Variants in SLC20A2 observed in about 807,000 individuals in gnomAD.
SLC20A2 encodes solute carrier family 20 member 2.
A neutral mutation model predicts 61.0 loss-of-function variants in SLC20A2; 30 were observed. The observed-to-expected ratio is 0.49, with a 90% CI of 0.37 to 0.67. The LOEUF (loss-of-function observed/expected upper bound fraction) is 0.67. SLC20A2 is among the 30% of genes least tolerant of loss of function. The pLI is 0.00. For synonymous variants in SLC20A2, 351 were observed against 353.3 expected, an observed-to-expected ratio of 0.99 and a Z score of 0.07; for missense variants, 626 against 866.4, an observed-to-expected ratio of 0.72 and a Z score of 3.48.
intron 5 of SLC20A2, among the ~76,000 whole-genome samples, chr8:42,452,131 A>G (rs1227518025): frequency 4.8e-5 from 6 of 124,390 alleles, no homozygotes; most frequent in Admixed American, 7.9e-5. Flanking sequence ...TGGAGGAGGA[A>G]GAGGAAGAGA....
At chr8:42,460,026 A>G in intron 4 of SLC20A2, 34 bp from the exon 5 acceptor site, 2 of 1,230,734 alleles carry the variant, frequency 1.6e-6, no homozygotes, top group Non-Finnish European at 2.4e-6. Flanking sequence ...GTGGAAGGTC[A>G]GGATCCCAGC....
At chr8:42,485,940 G>A (rs1340693893) in intron 1 of SLC20A2, among the ~76,000 whole-genome samples, 1 of 127,284 alleles carries the variant, frequency 7.9e-6, no homozygotes, top group Non-Finnish European at 1.6e-5. Flanking sequence ...GCGAGACTCC[G>A]TCTCAAAAAA....
At chr8:42,454,140 A>C (rs1805951695) in intron 5 of SLC20A2, among the ~76,000 whole-genome samples, 1 of 152,106 alleles carries the variant, frequency 6.6e-6, no homozygotes, top group Non-Finnish European at 1.5e-5. Context: ...AGTAGCTGGG[A>C]CTACAGGTGC....
chr8:42,438,891 A>G (rs1804547666), intron 7 of SLC20A2, among the ~76,000 whole-genome samples: 1 of 151,962 alleles, frequency 6.6e-6, no homozygotes, highest in African/African-American at 2.4e-5. Flanking sequence ...TAATTTTTGT[A>G]TTTTTAGTAG....
intron 1 of SLC20A2, among the ~76,000 whole-genome samples, chr8:42,489,431 C>T (rs1226917833): frequency 7.2e-6 from 1 of 138,250 alleles, no homozygotes; most frequent in Admixed American, 7.2e-5. Context: ...CCACTGTCTG[C>T]CCCCCCCACC....
chr8:42,487,535 C>A (rs570575917), intron 1 of SLC20A2, among the ~76,000 whole-genome samples: 66 of 152,298 alleles, frequency 4.3e-4, no homozygotes, highest in Admixed American at 2.7e-3. Flanking sequence ...TCGGTTCTCC[C>A]ACTGATGCAC....
chr8:42,505,353 A>C (rs1414244835), upstream of SLC20A2, among the ~76,000 whole-genome samples: 1 of 152,026 alleles, frequency 6.6e-6, no homozygotes, highest in Non-Finnish European at 1.5e-5. Flanking sequence ...ATAGTAAATA[A>C]ATAGGCTGGG....
chr8:42,469,542 G>A (rs1007228302), intron 2 of SLC20A2, among the ~76,000 whole-genome samples: 6 of 152,160 alleles, frequency 3.9e-5, no homozygotes, highest in African/African-American at 1.4e-4. Context: ...TCTGTCACAC[G>A]GAGGTCTTCA....
chr8:42,475,674 G>A (rs111286076), intron 1 of SLC20A2, among the ~76,000 whole-genome samples: 12,335 of 151,924 alleles, frequency 0.081, 1,441 homozygotes, highest in African/African-American at 0.26. Flanking sequence ...GCCTCCCAAA[G>A]TGCTGGGATT....
intron 1 of SLC20A2, among the ~76,000 whole-genome samples, chr8:42,517,012 T>G (rs1397013892): frequency 6.6e-6 from 1 of 152,172 alleles, no homozygotes; most frequent in Non-Finnish European, 1.5e-5. Flanking sequence ...CAAGCATTTC[T>G]CAACTCCTGC....
intron 1 of SLC20A2, among the ~76,000 whole-genome samples, chr8:42,527,427 AATCT>A (rs1221753731): frequency 6.6e-6 from 1 of 152,000 alleles, no homozygotes; most frequent in Non-Finnish European, 1.5e-5. Context: ...GAGCTCTATT[AATCT>A]TTGCAACTTT....
intron 1 of SLC20A2, among the ~76,000 whole-genome samples, chr8:42,482,688 C>T (rs1453337012): frequency 6.6e-6 from 1 of 152,040 alleles, no homozygotes; most frequent in African/African-American, 2.4e-5. Flanking sequence ...TGCCACTGCA[C>T]TCCAGCCTGG....
At chr8:42,513,300 C>A (rs1811129469) in intron 1 of SLC20A2, among the ~76,000 whole-genome samples, 1 of 152,172 alleles carries the variant, frequency 6.6e-6, no homozygotes, top group Non-Finnish European at 1.5e-5. Flanking sequence ...ATCCACTGGG[C>A]AGAATTAACA....
At chr8:42,470,706 G>A (rs1807565481) in intron 2 of SLC20A2, among the ~76,000 whole-genome samples, 1 of 152,148 alleles carries the variant, frequency 6.6e-6, no homozygotes, top group African/African-American at 2.4e-5. Context: ...AGGTGTGGTG[G>A]CTCACGCCTG....
intron 10 of SLC20A2, 107 bp from the exon 11 acceptor site, chr8:42,418,074 A>T: frequency 1.2e-6 from 1 of 801,628 alleles, no homozygotes; most frequent in Non-Finnish European, 1.9e-6. Flanking sequence ...AACATTACCC[A>T]GTCCCCTACA....
At chr8:42,429,397 C>G (rs751554507) in intron 9 of SLC20A2, among the ~76,000 whole-genome samples, 1 of 152,190 alleles carries the variant, frequency 6.6e-6, no homozygotes, top group African/African-American at 2.4e-5. Context: ...CCGGTCCTCC[C>G]CACCCCAGCT....
intron 2 of SLC20A2, among the ~76,000 whole-genome samples, chr8:42,469,600 A>G (rs1563494616): frequency 6.6e-6 from 1 of 152,198 alleles, no homozygotes; most frequent in Non-Finnish European, 1.5e-5. Flanking sequence ...CCATGCCTCT[A>G]AAGTTTATCC....
At chr8:42,430,956 C>T (rs1360234164) in intron 8 of SLC20A2, among the ~76,000 whole-genome samples, 1 of 152,192 alleles carries the variant, frequency 6.6e-6, no homozygotes, top group Admixed American at 6.5e-5. Context: ...ACTGACCGGC[C>T]ACTGCCTTGT....
intron 1 of SLC20A2, among the ~76,000 whole-genome samples, chr8:42,478,492 T>C (rs976162727): frequency 1.3e-5 from 2 of 152,218 alleles, no homozygotes; most frequent in Non-Finnish European, 2.9e-5. Context: ...ATTATAGGCA[T>C]GAGCCACCGT....
Sources: allele counts gnomAD v4.1 joint callset (sites outside exome capture counted in the v4.1 genomes callset), GRCh38; gene constraint gnomAD v4.1.1; transcripts MANE v1.5; gene names NCBI Gene and HGNC (gene_info 2026-07-23, HGNC 2026-07-21).